The following ADPRHL1 variants were observed in gnomAD, a reference collection of about 807,000 sequenced individuals.
ADPRHL1 encodes inactive ADP-ribosyltransferase ARH2.
A neutral mutation model predicts 44.1 loss-of-function variants in ADPRHL1; 43 were observed. The ratio of observed to expected loss-of-function variants is 0.98; its 90% CI spans 0.76 to 1.26. ADPRHL1 has a LOEUF of 1.26. ADPRHL1 is among the 50% of genes most tolerant of loss of function. The pLI, the probability that ADPRHL1 is intolerant of heterozygous loss-of-function variation, is 0.00. For missense variants in ADPRHL1, 2,022 were observed against 2,496.9 expected (o/e 0.81, Z 4.05); for synonymous variants, 878 against 1,017.4 (o/e 0.86, Z 2.61).
intron 7 of ADPRHL1, among the ~76,000 whole-genome samples, chr13:113,417,143 G>A (rs1179947849): frequency 2.0e-5 from 3 of 152,226 alleles, no homozygotes; most frequent in East Asian, 1.9e-4. Flanking sequence ...GCGGAACCCC[G>A]GATGCACCAG....
In ADPRHL1 at chr13:113,440,978, C is replaced by A. The variant is rs528095729; in HGVS notation, c.379+3447G>T. Among the ~76,000 whole-genome samples, 6 of 152,108 alleles carry A rather than the reference C, an allele frequency of 3.9e-5. No individual in the cohort carries two copies. In the South Asian group the frequency reaches 8.3e-4, roughly 21 times the overall value. On this transcript the variant is annotated intron_variant, in intron 2 of 7. Transcript: ENST00000612156. ...GGCCAGCCTGGCCAACATGGCAAAA[C>A]CTTGTCACTACTAAAAATTCAAAAA... is the stretch of plus-strand genomic sequence containing the variant.
In ADPRHL1 at chr13:113,406,003, G is replaced by A. The variant is rs1046152832; in HGVS notation, c.3279C>T (p.Arg1093=). Residue 1093 remains arginine, a synonymous_variant, in exon 8 of 8, where the codon CGC becomes CGT. Transcript: ENST00000612156. ...CATTTAATGAGGACAGTGGGTTCTC[G>A]CGAACATCATGGCTGGTGATTTCCT... is the stretch of plus-strand genomic sequence containing the variant. ...AAEEITSHDV[R]ENPLSSLNEP... is the part of the protein sequence containing the mutation. 6.7e-5 allele frequency: 83 copies of A among 1,232,078 alleles called. No individual in the cohort carries two copies. The highest frequency in any genetic ancestry group is 7.9e-5 in the Non-Finnish European group (78 of 988,020). 76.3% of individuals were successfully genotyped at this position (1,232,078 alleles called of 1,614,324 possible).
Position 113,441,042 on chromosome 13 carries a change from A to G in ADPRHL1, c.379+3383T>C, listed in dbSNP as rs2139645040. On this transcript the variant is annotated intron_variant, in intron 2 of 7. Coordinates refer to ENST00000612156, the MANE Select transcript of ADPRHL1 (RefSeq NM_001394807.1). This position sits in a 1 kb window ranked among gnomAD's most constrained non-coding sequence, Gnocchi z 6.0. ...GTGGTGGGCGCCCGTAGTCCCAGCT[A>G]CTTGGGAGGTGGAGGCAGGAGAATC... 6.6e-6 allele frequency among the ~76,000 whole-genome samples: 1 copy of G among 152,236 alleles called. No individual in the cohort carries two copies. The highest frequency in any genetic ancestry group is 2.1e-4 in the South Asian group (1 of 4,810).
rs555216192 is a variant in ADPRHL1 at position 113,406,067 on chromosome 13, G to A, written c.3215C>T (p.Pro1072Leu). The change falls in exon 8 of 8, where the codon CCG becomes CTG. Residue 1072 changes from proline (P) to leucine (L), a missense_variant. Pro to Leu is a moderately conservative substitution (Grantham distance 98). This residue lies in a region of ADPRHL1 where 1,221 missense variants were observed against 1,517.8 expected (regional missense o/e 0.80). Transcript: ENST00000612156. ...GGGCTGAGAAGACTCTATTAGCAGC[G>A]GCCTTCTGCATTCCTCCAGCGCACC... ...VPGALEECRR[P>L]LLIESSQPLK... 1.4e-5 allele frequency: 17 copies of A among 1,232,166 alleles called. No homozygotes were observed. In the South Asian group the frequency reaches 4.5e-4, roughly 33 times the overall value. The allele number at this position is 1,232,166 out of a possible 1,614,324, so 76.3% of individuals were successfully genotyped here. A position where few individuals can be genotyped will look rare whatever the true frequency, so the allele number is the denominator to read the frequency against.
At chr13:113,434,222 GA>G (rs1307294405) in intron 2 of ADPRHL1, among the ~76,000 whole-genome samples, 1 of 152,088 alleles carries the variant, frequency 6.6e-6, no homozygotes, top group African/African-American at 2.4e-5. Context: ...AAACATGCAC[GA>G]CCCTAAGATT....
rs2043748023 is a variant in ADPRHL1, at chr13:113,400,216, G to C, written c.*3162C>G. 6.8e-6 allele frequency: 1 copy of C among 147,146 alleles called. No individual in the cohort carries two copies. The allele number at this position is 147,146 out of a possible 1,614,324, so 9.1% of individuals were successfully genotyped here. A position where few individuals can be genotyped will look rare whatever the true frequency, so the allele number is the denominator to read the frequency against. On this transcript the variant is annotated 3_prime_UTR_variant, in exon 8 of 8. Transcript: ENST00000612156. ...GCTGGAGTGCAGTGGCGCAATCTCG[G>C]CTCACTGCAAGCTCCACCTCCCGGG... is the stretch of plus-strand genomic sequence containing the variant.
In ADPRHL1 at chr13:113,407,578, C is replaced by T; in HGVS notation, c.1704G>A (p.Leu568=). Residue 568 remains leucine (L), a synonymous_variant, in exon 8 of 8, where the codon CTG becomes CTA. Transcript: ENST00000612156. ...TCTTCCGCTCCTGCGTGTGCAGCCT[C>T]AGCGCACTGGCCTCGGAGCACAGGC... ...NSCLCSEASA[L]RLHTQERKKR... is the part of the protein sequence containing the mutation. 8.1e-7 allele frequency: 1 copy of T among 1,232,260 alleles called. No homozygotes were observed. The highest frequency in any genetic ancestry group is 1.0e-6 in the Non-Finnish European group (1 of 988,118). 76.3% of individuals were successfully genotyped at this position (1,232,260 alleles called of 1,614,324 possible).
intron 3 of ADPRHL1, among the ~76,000 whole-genome samples, 169 bp from the exon 4 acceptor site, chr13:113,429,261 A>G (rs1047353191): frequency 6.6e-6 from 1 of 152,194 alleles, no homozygotes; most frequent in Non-Finnish European, 1.5e-5. Context: ...CACTGTGGAC[A>G]TTCTCCATCC....
rs9604114 is a variant in ADPRHL1 at position 113,445,845 on chromosome 13, C to A, written c.215-1256G>T. Among the ~76,000 whole-genome samples the A allele has an allele frequency of 3.7e-5, 5 of 136,946 alleles. No individual in the cohort carries two copies. In the East Asian group the frequency reaches 1.0e-3, roughly 28 times the overall value. The allele number at this position is 136,946 out of a possible 152,430, so 89.8% of individuals were successfully genotyped here. On this transcript the variant is annotated intron_variant, in intron 1 of 7. Transcript: ENST00000612156. ...AACCTCTGTAGCTGCAAACCCCTGG[C>A]GAGAGCATACAGGGCCCCCATGGCT...
chr13:113,423,088 G>T, intron 6 of ADPRHL1, 109 bp from the exon 7 acceptor site: 1 of 1,482,718 alleles, frequency 6.7e-7, no homozygotes, highest in Non-Finnish European at 9.1e-7. Flanking sequence ...TCTGCTGGGG[G>T]CAGCTGATAA....
rs1264836146 is a variant in ADPRHL1, at chr13:113,409,569, G to T, written c.1062-1349C>A. 1 of 985,272 alleles carries T rather than the reference G, an allele frequency of 1.0e-6. No homozygotes were observed. The highest frequency in any genetic ancestry group is 1.7e-5 in the African/African-American group (1 of 57,220). 61.0% of individuals were successfully genotyped at this position (985,272 alleles called of 1,614,324 possible). ...CTGGTGACGTGGTGCCAAGTGAAAA[G>T]CTCACTCTAACCCGATTGTTTTTAA... On this transcript the variant is annotated intron_variant, in intron 7 of 7. Coordinates refer to ENST00000612156, the MANE Select transcript of ADPRHL1 (RefSeq NM_001394807.1). This position sits in a 1 kb window ranked among gnomAD's most constrained non-coding sequence, Gnocchi z 4.2.
Position 113,401,794 on chromosome 13 carries a change from G to A in ADPRHL1, c.*1584C>T, listed in dbSNP as rs954558410. 4 of 152,256 alleles carry A rather than the reference G, an allele frequency of 2.6e-5. No homozygotes were observed. The highest frequency in any genetic ancestry group is 1.3e-4 in the Admixed American group (2 of 15,292). The allele number at this position is 152,256 out of a possible 1,614,324, so 9.4% of individuals were successfully genotyped here. On this transcript the variant is annotated 3_prime_UTR_variant, in exon 8 of 8. Coordinates refer to ENST00000612156, the MANE Select transcript of ADPRHL1 (RefSeq NM_001394807.1). This position sits in a 1 kb window ranked among gnomAD's most constrained non-coding sequence, Gnocchi z 5.5. Reference sequence around the variant, plus strand: ...CTGGAAGGAAACCTGTGCGCTCCCCGGAGCATGACGCCACGCCGCCTCCTT... The same window carrying A: ...CTGGAAGGAAACCTGTGCGCTCCCCAGAGCATGACGCCACGCCGCCTCCTT...
chr13:113,448,465 C>CAAAAAA (rs61278696), intron 1 of ADPRHL1, among the ~76,000 whole-genome samples: 3,473 of 39,700 alleles, frequency 0.087, 505 homozygotes, highest in African/African-American at 0.17. Context: ...GACTATGTCC[C>CAAAAAA]AAAAAAAAAA....
rs558312833 is a variant in ADPRHL1, at chr13:113,418,028, T to C, written c.1061+4798A>G. Among the ~76,000 whole-genome samples the C allele has an allele frequency of 5.9e-5, 9 of 152,332 alleles. No homozygotes were observed. In the East Asian group the frequency reaches 1.3e-3, roughly 23 times the overall value. On this transcript the variant is annotated intron_variant, in intron 7 of 7. Transcript: ENST00000612156. ...TTCTGGCAGCTTGGGCCTGAGGTTATGCAATCGCCAGGGTTTGCTGAGGGC... is the reference window on the plus strand; with the variant it reads ...TTCTGGCAGCTTGGGCCTGAGGTTACGCAATCGCCAGGGTTTGCTGAGGGC...
At position 113,401,918 on chromosome 13, in the gene ADPRHL1, CCT is replaced by C. The variant is rs2043764989; in HGVS notation, c.*1458_*1459del. 6.6e-6 allele frequency: 1 copy of C among 152,264 alleles called. No homozygotes were observed. Among genetic ancestry groups the C allele is most frequent in the Non-Finnish European group, 1.5e-5 (1 of 68,050 alleles). The allele number at this position is 152,264 out of a possible 1,614,324, so 9.4% of individuals were successfully genotyped here. Reference sequence around the variant, plus strand: ...TGGGTAGGACGCGCCTGCTGAACGCCCTCTCAGGGCCGACACTGGAAAACACC... The same window carrying C: ...TGGGTAGGACGCGCCTGCTGAACGCCCTCAGGGCCGACACTGGAAAACACC... On this transcript the variant is annotated 3_prime_UTR_variant, in exon 8 of 8. Coordinates refer to ENST00000612156, the MANE Select transcript of ADPRHL1 (RefSeq NM_001394807.1). The surrounding 1 kb of genome is among the most constrained non-coding windows in gnomAD (Gnocchi z 5.5).
In ADPRHL1 at chr13:113,422,950, C is replaced by A; in HGVS notation, c.937G>T (p.Gly313Cys). 1 of 1,612,918 alleles carries A rather than the reference C, an allele frequency of 6.2e-7. No homozygotes were observed. The highest frequency in any genetic ancestry group is 8.5e-7 in the Non-Finnish European group (1 of 1,179,978). ...GESAATGTIA[G>C]CLFGLLYGLD... The stretch of plus-strand genomic sequence containing the variant: ...CCGTACAGCAACCCGAACAGGCAGC[C>A]TGCAATGGTGCCCGTGGCCGCGCTC... The change falls in exon 7 of 8, where the codon GGC becomes TGC. Residue 313 changes from glycine to cysteine, a missense_variant. Coordinates refer to ENST00000612156, the MANE Select transcript of ADPRHL1 (RefSeq NM_001394807.1).
intron 3 of ADPRHL1, among the ~76,000 whole-genome samples, chr13:113,429,900 A>G (rs2043994984): frequency 1.3e-5 from 2 of 152,256 alleles, no homozygotes; most frequent in East Asian, 3.8e-4. Flanking sequence ...TTGGTATGTC[A>G]AATTTTACAA....
At chr13:113,426,119 T>C (rs142901179) in intron 4 of ADPRHL1, among the ~76,000 whole-genome samples, 512 of 88,054 alleles carry the variant, frequency 5.8e-3, no homozygotes, top group Non-Finnish European at 9.5e-3. Context: ...AGCCCCTGAA[T>C]GCTCTAGGGA....
Position 113,409,475 on chromosome 13 carries a change from T to C in ADPRHL1, c.1062-1255A>G. On this transcript the variant is annotated intron_variant, in intron 7 of 7. Coordinates refer to ENST00000612156, the MANE Select transcript of ADPRHL1 (RefSeq NM_001394807.1). The surrounding 1 kb of genome is among the most constrained non-coding windows in gnomAD (Gnocchi z 4.2). ...TGAAAAATCTAGAGCATCCTCGATG[T>C]CCAACTCCAGGGCGGCCGCACAATG... 1 of 985,400 alleles carries C rather than the reference T, an allele frequency of 1.0e-6. No homozygotes were observed. The highest frequency in any genetic ancestry group is 1.2e-6 in the Non-Finnish European group (1 of 829,926). The allele number at this position is 985,400 out of a possible 1,614,324, so 61.0% of individuals were successfully genotyped here.
Sources: allele counts gnomAD v4.1 joint callset (sites outside exome capture counted in the v4.1 genomes callset), GRCh38; gene constraint gnomAD v4.1.1; regional missense constraint gnomAD v4.1.1; non-coding constraint Gnocchi (gnomAD v3.1); transcripts MANE v1.5; gene names NCBI Gene and HGNC (gene_info 2026-07-23, HGNC 2026-07-21).